The following ZNF395 variants were observed in gnomAD, a reference collection of about 807,000 sequenced individuals.
ZNF395 encodes zinc finger protein 395.
In ZNF395, 20 loss-of-function variants were observed where a neutral mutation model predicts 57.7. The observed-to-expected ratio is 0.35, with a 90% CI of 0.24 to 0.50. The LOEUF is 0.50. Ranked by LOEUF, ZNF395 falls within the 20% of genes least tolerant of loss-of-function variation. The pLI, the probability that ZNF395 is intolerant of heterozygous loss-of-function variation, is 0.97. For missense variants in ZNF395, 606 were observed against 671.2 expected (o/e 0.90, Z 1.07); for synonymous variants, 295 against 275.9 (o/e 1.07, Z -0.69).
At chr8:28,351,943 T>C (rs1288944455) in intron 6 of ZNF395, 136 bp from the exon 7 acceptor site, 4 of 974,614 alleles carry the variant, frequency 4.1e-6, no homozygotes, top group Non-Finnish European at 4.5e-6. Context: ...AACACCCAGG[T>C]GCCTCGCTCC....
At chr8:28,349,021 C>G in intron 9 of ZNF395, 104 bp downstream of exon 9, 3 of 1,271,994 alleles carry the variant, frequency 2.4e-6, no homozygotes, top group Middle Eastern at 2.1e-4. Flanking sequence ...GGGCTCCTCT[C>G]TGGGGACTAA....
intron 1 of ZNF395, among the ~76,000 whole-genome samples, chr8:28,384,217 G>A (rs1585868391): frequency 6.6e-6 from 1 of 152,182 alleles, no homozygotes; most frequent in East Asian, 1.9e-4. Context: ...GTCTCCTTAG[G>A]ACACACAGGG....
intron 1 of ZNF395, chr8:28,386,005 T>A (rs1563345281): frequency 6.9e-6 from 1 of 145,030 alleles, no homozygotes; most frequent in Non-Finnish European, 1.5e-5. Flanking sequence ...GCAGCTCACC[T>A]CGGCCCGCCA....
chr8:28,356,847 G>A lies in ZNF395; in HGVS notation c.474-68C>T, dbSNP rs538492907. On this transcript the variant is annotated intron_variant, in intron 3 of 9. Transcript: ENST00000344423. This position sits in a 1 kb window ranked among gnomAD's most constrained non-coding sequence, Gnocchi z 4.0. ...GGCGGGCCCATGGTCCTTGCAAAAC[G>A]AGACACCACTTCTGGCTGGTTTCAC... 192 of 1,254,824 alleles carry A rather than the reference G, an allele frequency of 1.5e-4. No individual in the cohort carries two copies. In the African/African-American group the frequency reaches 2.3e-3, roughly 15 times the overall value. The allele number at this position is 1,254,824 out of a possible 1,614,324, so 77.7% of individuals were successfully genotyped here. A position where few individuals can be genotyped will look rare whatever the true frequency, so the allele number is the denominator to read the frequency against.
chr8:28,359,360 C>A lies in ZNF395; in HGVS notation c.473+232G>T, dbSNP rs1396900218. Among the ~76,000 whole-genome samples the A allele has an allele frequency of 6.6e-6, 1 of 152,156 alleles. No individual in the cohort carries two copies. The highest frequency in any genetic ancestry group is 1.5e-5 in the Non-Finnish European group (1 of 68,024). On this transcript the variant is annotated intron_variant, in intron 3 of 9. Coordinates refer to ENST00000344423, the MANE Select transcript of ZNF395 (RefSeq NM_018660.3). The surrounding 1 kb of genome is among the most constrained non-coding windows in gnomAD (Gnocchi z 4.7). ...GAGGTTGCAGTGAGCCGAGATCATG[C>A]CACTGAACTCCAGCCTAGGTGAGAG...
At chr8:28,378,340 A>G (rs374034916) in intron 1 of ZNF395, among the ~76,000 whole-genome samples, 7 of 152,302 alleles carry the variant, frequency 4.6e-5, no homozygotes, top group Admixed American at 2.0e-4. Context: ...TCTAGGCCCA[A>G]GTGAGCCTCC....
intron 1 of ZNF395, among the ~76,000 whole-genome samples, chr8:28,378,084 A>G (rs1361029455): frequency 2.0e-5 from 3 of 151,808 alleles, no homozygotes; most frequent in African/African-American, 7.3e-5. Context: ...CTACATGTCA[A>G]TCTGTGTTGT....
chr8:28,368,285 C>T (rs778618589), intron 1 of ZNF395, among the ~76,000 whole-genome samples: 3 of 152,150 alleles, frequency 2.0e-5, no homozygotes, highest in Non-Finnish European at 2.9e-5. Context: ...TGCACAGGAC[C>T]TCAAAGCACC....
chr8:28,375,683 G>A (rs892690770), intron 1 of ZNF395, among the ~76,000 whole-genome samples: 2 of 152,180 alleles, frequency 1.3e-5, no homozygotes, highest in African/African-American at 4.8e-5. Context: ...ACTCTGAGCT[G>A]TCCTATCAGA....
intron 1 of ZNF395, among the ~76,000 whole-genome samples, chr8:28,377,247 A>G (rs1012419760): frequency 6.6e-6 from 1 of 152,214 alleles, no homozygotes; most frequent in Admixed American, 6.5e-5. Context: ...AAAAATTTAA[A>G]AAAAATTTAA....
intron 1 of ZNF395, among the ~76,000 whole-genome samples, chr8:28,384,090 C>A (rs1802141759): frequency 6.6e-6 from 1 of 152,196 alleles, no homozygotes; most frequent in Admixed American, 6.5e-5. Flanking sequence ...AGTGCAAACT[C>A]TGGCCACCCT....
rs771688760 is a variant in ZNF395 at position 28,351,697 on chromosome 8, G to A, written c.1031C>T (p.Pro344Leu). Residue 344 changes from proline to leucine, a missense_variant, in exon 7 of 10, where the codon CCA (proline) becomes CTA (leucine). Around this residue, in one of 3 missense-constraint regions of ZNF395, gnomAD observed 261 missense variants for 240.3 expected, o/e 1.09. Transcript: ENST00000344423. ...AAAAAAAAGT[P>L]VPGTPTSEPA... Reference sequence around the variant, plus strand: ...CTCGGAGGTGGGAGTCCCAGGGACTGGGGTGCCTGCGGCAGCAGCAGCAGC... The same window carrying A: ...CTCGGAGGTGGGAGTCCCAGGGACTAGGGTGCCTGCGGCAGCAGCAGCAGC... 1.2e-6 allele frequency: 2 copies of A among 1,611,460 alleles called. No individual in the cohort carries two copies. The highest frequency in any genetic ancestry group is 1.7e-5 in the Admixed American group (1 of 60,026).
At chr8:28,361,444 G>T (rs1801848744) in intron 1 of ZNF395, among the ~76,000 whole-genome samples, 1 of 152,148 alleles carries the variant, frequency 6.6e-6, no homozygotes, top group South Asian at 2.1e-4. Flanking sequence ...TGGGATTGTT[G>T]TTTGGTAAAC....
intron 1 of ZNF395, among the ~76,000 whole-genome samples, chr8:28,384,160 C>T (rs916280076): frequency 2.6e-5 from 4 of 152,176 alleles, no homozygotes; most frequent in African/African-American, 9.7e-5. Flanking sequence ...AAAACCCTTC[C>T]ATTACAGTTG....
intron 1 of ZNF395, among the ~76,000 whole-genome samples, chr8:28,379,007 T>C (rs1802078970): frequency 6.6e-6 from 1 of 152,208 alleles, no homozygotes; most frequent in Non-Finnish European, 1.5e-5. Context: ...AGACAAGGAA[T>C]CATGTAATCA....
chr8:28,380,532 C>T (rs964914225), intron 1 of ZNF395, among the ~76,000 whole-genome samples: 1 of 152,204 alleles, frequency 6.6e-6, no homozygotes, highest in African/African-American at 2.4e-5. Context: ...ATTTTCAGAT[C>T]TCCTTCCAGG....
At chr8:28,353,666 T>A (rs1283210929) in intron 4 of ZNF395, among the ~76,000 whole-genome samples, 10 of 151,876 alleles carry the variant, frequency 6.6e-5, no homozygotes, top group Admixed American at 3.3e-4. Context: ...TAAACAAAAA[T>A]TTTTTTTTAG....
chr8:28,349,350 G>A, intron 8 of ZNF395, 122 bp from the exon 9 acceptor site: 1 of 649,242 alleles, frequency 1.5e-6, no homozygotes, highest in Non-Finnish European at 2.4e-6. Context: ...ACCTTCTCAG[G>A]GAGAACACTC....
rs1304531833 is a variant in ZNF395 at position 28,346,899 on chromosome 8, C to T, written c.*1820G>A. 2 of 151,826 alleles carry T rather than the reference C, an allele frequency of 1.3e-5. No individual in the cohort carries two copies. The highest frequency in any genetic ancestry group is 2.4e-5 in the African/African-American group (1 of 41,310). The allele number at this position is 151,826 out of a possible 1,614,324, so 9.4% of individuals were successfully genotyped here. On this transcript the variant is annotated 3_prime_UTR_variant, in exon 10 of 10. Coordinates refer to ENST00000344423, the MANE Select transcript of ZNF395 (RefSeq NM_018660.3). ...AAGGAGAGCCCTGCGCCACCTCAGG[C>T]TAGCCTGGCTTTGAGCTTTACCAAG...
Sources: allele counts gnomAD v4.1 joint callset (sites outside exome capture counted in the v4.1 genomes callset), GRCh38; gene constraint gnomAD v4.1.1; regional missense constraint gnomAD v4.1.1; non-coding constraint Gnocchi (gnomAD v3.1); transcripts MANE v1.5; gene names NCBI Gene and HGNC (gene_info 2026-07-23, HGNC 2026-07-21).